Variants in ANO3 observed in about 807,000 individuals in gnomAD.
ANO3 encodes the protein anoctamin 3, also known as anoctamin-3.
ANO3 carries 99 observed loss-of-function variants against 144.8 expected under a neutral mutation model. The ratio of observed to expected loss-of-function variants is 0.68; its 90% CI spans 0.58 to 0.81. ANO3 has a LOEUF of 0.81. ANO3 is among the 30% of genes least tolerant of loss of function. The pLI is 0.00. For synonymous variants in ANO3, 414 were observed against 392.6 expected, an observed-to-expected ratio of 1.05 and a Z score of -0.64; for missense variants, 905 against 1,202.2, an observed-to-expected ratio of 0.75 and a Z score of 3.66.
intron 1 of ANO3, among the ~76,000 whole-genome samples, chr11:26,264,709 C>G (rs567194376): frequency 1.3e-5 from 2 of 152,234 alleles, no homozygotes; most frequent in South Asian, 4.2e-4. Flanking sequence ...TGAGGCCTTT[C>G]TCTTTAGCTT....
At chr11:26,303,272 G>A (rs1284368734) in intron 1 of ANO3, among the ~76,000 whole-genome samples, 5 of 152,130 alleles carry the variant, frequency 3.3e-5, no homozygotes, top group Non-Finnish European at 7.4e-5. Context: ...ATTGACAATG[G>A]AAATGACATG....
At chr11:26,601,960 G>A (rs1851810438) in intron 17 of ANO3, among the ~76,000 whole-genome samples, 1 of 152,118 alleles carries the variant, frequency 6.6e-6, no homozygotes, top group Non-Finnish European at 1.5e-5. Flanking sequence ...AAAGAGAATT[G>A]AAGAATTCAG....
chr11:26,499,118 T>C (rs1254753581), intron 4 of ANO3, among the ~76,000 whole-genome samples: 1 of 151,992 alleles, frequency 6.6e-6, no homozygotes, highest in East Asian at 1.9e-4. Flanking sequence ...TACTTGTTTA[T>C]ATCTCATGAC....
intron 1 of ANO3, among the ~76,000 whole-genome samples, chr11:26,190,532 CTT>C (rs1564910388): frequency 6.6e-6 from 1 of 152,042 alleles, no homozygotes; most frequent in Admixed American, 6.6e-5. Context: ...TTACAGTAGA[CTT>C]GGTTAGAAAA....
At chr11:26,498,374 T>A (rs1861051209) in intron 4 of ANO3, among the ~76,000 whole-genome samples, 1 of 151,652 alleles carries the variant, frequency 6.6e-6, no homozygotes, top group Admixed American at 6.6e-5. Flanking sequence ...ATTATTCCTA[T>A]TATATTATAC....
chr11:26,449,921 A>C (rs1858861630), intron 3 of ANO3, among the ~76,000 whole-genome samples: 2 of 151,806 alleles, frequency 1.3e-5, no homozygotes, highest in African/African-American at 4.8e-5. Flanking sequence ...CATCCGGCTA[A>C]TTTTTGGTAT....
rs894255316 is a variant in ANO3 at position 26,624,488 on chromosome 11, C to T, written c.1863C>T (p.Leu621=). The change falls in exon 18 of 27, where the codon CTC becomes CTT. Residue 621 remains leucine, a synonymous_variant. Coordinates refer to ENST00000256737, the MANE Select transcript of ANO3 (RefSeq NM_031418.4). ...CTTATGAAAAAATTGCTTACCTCCT[C>T]ACCAATTTAGGTAAGTCCATTTTTC... is the stretch of plus-strand genomic sequence containing the variant. ...NLAYEKIAYL[L]TNLEYPRTES... The T allele has an allele frequency of 2.5e-6, 4 of 1,605,280 alleles. No homozygotes were observed. The highest frequency in any genetic ancestry group is 2.6e-6 in the Non-Finnish European group (3 of 1,172,802).
intron 12 of ANO3, among the ~76,000 whole-genome samples, chr11:26,552,877 C>T (rs571708822): frequency 6.6e-6 from 1 of 152,092 alleles, no homozygotes; most frequent in African/African-American, 2.4e-5. Context: ...GGTTTGATTC[C>T]ATCTCAGCCA....
At chr11:26,482,104 C>G (rs1590400958) in intron 4 of ANO3, among the ~76,000 whole-genome samples, 1 of 152,026 alleles carries the variant, frequency 6.6e-6, no homozygotes, top group South Asian at 2.1e-4. Context: ...CACTATGTTG[C>G]CCAGTCTGGT....
At chr11:26,441,509 C>T (rs1334486559) in intron 1 of ANO3, among the ~76,000 whole-genome samples, 1 of 152,066 alleles carries the variant, frequency 6.6e-6, no homozygotes, top group East Asian at 1.9e-4. Context: ...GAGAGGAGGG[C>T]GTAGAAAGAA....
chr11:26,241,326 T>C (rs1852661147), intron 1 of ANO3, among the ~76,000 whole-genome samples: 3 of 152,202 alleles, frequency 2.0e-5, no homozygotes, highest in Non-Finnish European at 2.9e-5. Context: ...TTCTGACATA[T>C]GAGATTTGAC....
intron 1 of ANO3, among the ~76,000 whole-genome samples, chr11:26,333,283 A>G (rs1590268107): frequency 1.1e-5 from 1 of 89,846 alleles, no homozygotes; most frequent in Non-Finnish European, 2.4e-5. Flanking sequence ...TAGCTCTTTG[A>G]CTTTTTTTTT....
chr11:26,401,676 A>G (rs1020055983), intron 1 of ANO3, among the ~76,000 whole-genome samples: 6 of 151,990 alleles, frequency 3.9e-5, no homozygotes, highest in Non-Finnish European at 8.8e-5. Flanking sequence ...CAGGAGTTCG[A>G]GACCAGCCTG....
At chr11:26,543,098 A>G (rs1006837666) in intron 11 of ANO3, among the ~76,000 whole-genome samples, 2 of 152,066 alleles carry the variant, frequency 1.3e-5, no homozygotes, top group South Asian at 4.1e-4. Context: ...TATCAAACCT[A>G]GATCTTGAAG....
upstream of ANO3, among the ~76,000 whole-genome samples, chr11:26,329,132 T>C (rs1411137033): frequency 6.6e-6 from 1 of 152,168 alleles, no homozygotes; most frequent in African/African-American, 2.4e-5. Context: ...TAGCTTTCCT[T>C]AATGAGGCTA....
intron 1 of ANO3, among the ~76,000 whole-genome samples, chr11:26,339,026 A>G (rs1855276949): frequency 1.3e-5 from 2 of 152,288 alleles, no homozygotes; most frequent in Admixed American, 6.5e-5. Flanking sequence ...TTTAATAATT[A>G]TATTATTGTT....
At chr11:26,416,864 C>G (rs1857603276) in intron 1 of ANO3, among the ~76,000 whole-genome samples, 1 of 151,982 alleles carries the variant, frequency 6.6e-6, no homozygotes, top group African/African-American at 2.4e-5. Flanking sequence ...ACTTTCAAAG[C>G]CTGGGTAAAC....
chr11:26,533,417 T>A (rs1002639558), intron 8 of ANO3, among the ~76,000 whole-genome samples: 1 of 152,124 alleles, frequency 6.6e-6, no homozygotes, highest in African/African-American at 2.4e-5. Flanking sequence ...CTAATAATTA[T>A]ACAAATTGAC....
chr11:26,649,597 C>T (rs1370651463), intron 24 of ANO3, among the ~76,000 whole-genome samples: 2 of 152,142 alleles, frequency 1.3e-5, no homozygotes, highest in Non-Finnish European at 1.5e-5. Flanking sequence ...ATTAGCTGGG[C>T]GTGGTGGCGG....
Sources: allele counts gnomAD v4.1 joint callset (sites outside exome capture counted in the v4.1 genomes callset), GRCh38; gene constraint gnomAD v4.1.1; transcripts MANE v1.5; gene names NCBI Gene and HGNC (gene_info 2026-07-23, HGNC 2026-07-21).